YWHAH: variants seen among roughly 807,000 people sequenced by gnomAD.
YWHAH encodes the protein tyrosine 3-monooxygenase/tryptophan 5-monooxygenase activation protein eta, also known as 14-3-3 protein eta.
In YWHAH, 6 loss-of-function variants were observed where a neutral mutation model predicts 22.9. The observed-to-expected ratio is 0.26, with a 90% CI of 0.14 to 0.52. YWHAH has a LOEUF of 0.52. Ranked by LOEUF, YWHAH falls within the 20% of genes least tolerant of loss-of-function variation. The probability of loss-of-function intolerance (pLI) is 0.97; values close to 1 mark genes in which losing one functional copy is unlikely to be tolerated. For missense variants in YWHAH, 173 were observed against 308.6 expected, an observed-to-expected ratio of 0.56 and a Z score of 3.29; for synonymous variants, 135 against 124.5, an observed-to-expected ratio of 1.08 and a Z score of -0.56.
intron 1 of YWHAH, among the ~76,000 whole-genome samples, chr22:31,949,975 G>A (rs773548408): frequency 4.1e-5 from 6 of 147,790 alleles, no homozygotes; most frequent in East Asian, 2.0e-4. Flanking sequence ...TTCCAAATAC[G>A]ATTAAGAACA....
At chr22:31,950,566 G>A (rs2093841965) in intron 1 of YWHAH, 3 of 509,462 alleles carry the variant, frequency 5.9e-6, no homozygotes, top group Non-Finnish European at 7.1e-6. Flanking sequence ...AAAATGTTCA[G>A]TTATGTCAAA....
At chr22:31,947,196 G>T (rs759403535) in intron 1 of YWHAH, among the ~76,000 whole-genome samples, 6 of 152,136 alleles carry the variant, frequency 3.9e-5, no homozygotes, top group Non-Finnish European at 8.8e-5. Context: ...TTTCTTCAGG[G>T]CTGGGGAAGG....
intron 1 of YWHAH, among the ~76,000 whole-genome samples, chr22:31,954,769 A>G (rs2149468629): frequency 6.6e-6 from 1 of 152,088 alleles, no homozygotes; most frequent in East Asian, 1.9e-4. Context: ...TCAAAATCTC[A>G]CTATCCTTAT....
chr22:31,945,059 C>T lies in YWHAH; in HGVS notation c.87+239C>T, dbSNP rs971686407. The T allele has an allele frequency of 2.7e-6, 3 of 1,109,386 alleles. No homozygotes were observed. In the African/African-American group the frequency reaches 5.0e-5, roughly 18 times the overall value. The allele number at this position is 1,109,386 out of a possible 1,614,324, so 68.7% of individuals were successfully genotyped here. ...TGCAGTTCGGGATCGCGAAGGCAGC[C>T]CCGGAAGGGGGGCGGGCCGGTCGGG... On this transcript the variant is annotated intron_variant, in intron 1 of 1. Transcript: ENST00000248975.
At chr22:31,949,697 T>TA (rs1443774368) in intron 1 of YWHAH, among the ~76,000 whole-genome samples, 1 of 152,214 alleles carries the variant, frequency 6.6e-6, no homozygotes. Flanking sequence ...TAGGTACTGT[T>TA]ACTCCCCTTT....
At chr22:31,949,118 T>C (rs1471499358) in intron 1 of YWHAH, among the ~76,000 whole-genome samples, 2 of 151,432 alleles carry the variant, frequency 1.3e-5, no homozygotes, top group South Asian at 2.1e-4. Flanking sequence ...ATTTAGCAAG[T>C]TTATATAACA....
intron 1 of YWHAH, among the ~76,000 whole-genome samples, chr22:31,947,114 T>C (rs1184670807): frequency 1.3e-5 from 2 of 152,232 alleles, no homozygotes; most frequent in African/African-American, 4.8e-5. Flanking sequence ...TCTATGTTAT[T>C]AATCTCATCA....
At chr22:31,951,400 T>G (rs1454842831) in intron 1 of YWHAH, among the ~76,000 whole-genome samples, 1 of 152,220 alleles carries the variant, frequency 6.6e-6, no homozygotes, top group African/African-American at 2.4e-5. Context: ...TGTGGAGCTG[T>G]GAAGGATGGC....
At chr22:31,945,071 G>T (rs189030427) in intron 1 of YWHAH, 3 of 1,103,632 alleles carry the variant, frequency 2.7e-6, no homozygotes, top group Non-Finnish European at 2.2e-6. Context: ...CGGAAGGGGG[G>T]CGGGCCGGTC....
At position 31,956,026 on chromosome 22, in the gene YWHAH, G is replaced by A; in HGVS notation, c.88-113G>A. On this transcript the variant is annotated intron_variant, in intron 1 of 1. Coordinates refer to ENST00000248975, the MANE Select transcript of YWHAH (RefSeq NM_003405.4). The surrounding 1 kb of genome is among the most constrained non-coding windows in gnomAD (Gnocchi z 5.1). ...GTGGTTTTTATTCTCCAGAGTGACT[G>A]ACCTGTTCGTAATTCCGTTCTTGAG... 1 of 1,255,892 alleles carries A rather than the reference G, an allele frequency of 8.0e-7. No individual in the cohort carries two copies. The highest frequency in any genetic ancestry group is 1.1e-6 in the Non-Finnish European group (1 of 906,384). The allele number at this position is 1,255,892 out of a possible 1,614,324, so 77.8% of individuals were successfully genotyped here.
intron 1 of YWHAH, among the ~76,000 whole-genome samples, chr22:31,946,794 C>T (rs1450031631): frequency 6.6e-6 from 1 of 152,134 alleles, no homozygotes; most frequent in East Asian, 1.9e-4. Flanking sequence ...TACTTGTGTC[C>T]ATAGATCTTC....
rs1012685805 is a variant in YWHAH, at chr22:31,956,063, A to T, written c.88-76A>T. 3.3e-6 allele frequency: 5 copies of T among 1,495,336 alleles called. No individual in the cohort carries two copies. Among genetic ancestry groups the T allele is most frequent in the Non-Finnish European group, 4.5e-6 (5 of 1,113,528 alleles). 92.6% of individuals were successfully genotyped at this position (1,495,336 alleles called of 1,614,324 possible). A position where few individuals can be genotyped will look rare whatever the true frequency, so the allele number is the denominator to read the frequency against. On this transcript the variant is annotated intron_variant, in intron 1 of 1. Transcript: ENST00000248975. This position sits in a 1 kb window ranked among gnomAD's most constrained non-coding sequence, Gnocchi z 5.1. ...ATTCCGTTCTTGAGAAGGATTGTTG[A>T]TTATGTTGAAGGGAAGGCTTCTTAC...
intron 1 of YWHAH, among the ~76,000 whole-genome samples, chr22:31,951,311 A>T (rs1420561254): frequency 2.0e-5 from 3 of 152,204 alleles, no homozygotes; most frequent in Non-Finnish European, 4.4e-5. Context: ...TAATCATGAG[A>T]ATCATTTACT....
At chr22:31,945,445 C>T in intron 1 of YWHAH, 1 of 1,304,030 alleles carries the variant, frequency 7.7e-7, no homozygotes, top group Non-Finnish European at 1.0e-6. Context: ...CTCCACAGCC[C>T]CAGGTTTGCT....
intron 1 of YWHAH, among the ~76,000 whole-genome samples, chr22:31,954,871 T>C (rs764668220): frequency 6.6e-6 from 1 of 152,200 alleles, no homozygotes; most frequent in Non-Finnish European, 1.5e-5. Context: ...TATTTCCAAA[T>C]AAGCTCACAT....
Position 31,956,862 on chromosome 22 carries a change from A to G in YWHAH, c.*70A>G, listed in dbSNP as rs1799988986. The G allele has an allele frequency of 4.7e-6, 7 of 1,473,692 alleles. No homozygotes were observed. The highest frequency in any genetic ancestry group is 1.8e-4 in the Middle Eastern group (1 of 5,652). 91.3% of individuals were successfully genotyped at this position (1,473,692 alleles called of 1,614,324 possible). A position where few individuals can be genotyped will look rare whatever the true frequency, so the allele number is the denominator to read the frequency against. ...TCATCACCGATTCTTCCTTGCCACA[A>G]TCACTAAATATCTAGTGCTAAACCT... On this transcript the variant is annotated 3_prime_UTR_variant, in exon 2 of 2. Coordinates refer to ENST00000248975, the MANE Select transcript of YWHAH (RefSeq NM_003405.4). The surrounding 1 kb of genome is among the most constrained non-coding windows in gnomAD (Gnocchi z 5.1).
chr22:31,945,630 G>T, intron 1 of YWHAH: 1 of 1,295,058 alleles, frequency 7.7e-7, no homozygotes. Context: ...CTGCATTTCT[G>T]AGTTCCGGTT....
At chr22:31,948,389 T>G (rs987061897) in intron 1 of YWHAH, among the ~76,000 whole-genome samples, 8 of 60,026 alleles carry the variant, frequency 1.3e-4, no homozygotes, top group African/African-American at 4.0e-4. Context: ...GTGATTAGTA[T>G]TTTTTTTTTT....
chr22:31,955,184 T>C (rs1050856644), intron 1 of YWHAH, among the ~76,000 whole-genome samples: 8 of 152,186 alleles, frequency 5.3e-5, no homozygotes, highest in Non-Finnish European at 8.8e-5. Flanking sequence ...TATGAATTGT[T>C]CTTCATTTTG....
Sources: allele counts gnomAD v4.1 joint callset (sites outside exome capture counted in the v4.1 genomes callset), GRCh38; gene constraint gnomAD v4.1.1; non-coding constraint Gnocchi (gnomAD v3.1); transcripts MANE v1.5; gene names NCBI Gene and HGNC (gene_info 2026-07-23, HGNC 2026-07-21).